CUX1: variants seen among roughly 807,000 people sequenced by gnomAD.
The protein encoded by CUX1 is cut like homeobox 1.
A neutral mutation model predicts 158.8 loss-of-function variants in CUX1; 31 were observed. The observed-to-expected ratio is 0.20, with a 90% CI of 0.15 to 0.26. The LOEUF is 0.26. Among genes scored for constraint, CUX1 ranks in the 10% least tolerant of loss-of-function variants. CUX1 has a pLI of 1.00. For synonymous variants in CUX1, 879 were observed against 862.1 expected, an observed-to-expected ratio of 1.02 and a Z score of -0.34; for missense variants, 1,589 against 2,014.6, an observed-to-expected ratio of 0.79 and a Z score of 4.04.
At chr7:102,060,354 G>A (rs951984622) in intron 3 of CUX1, among the ~76,000 whole-genome samples, 9 of 151,768 alleles carry the variant, frequency 5.9e-5, no homozygotes, top group Non-Finnish European at 1.2e-4. Flanking sequence ...ATTTGATCAC[G>A]ACGGGGAATA....
At chr7:102,217,375 C>G (rs1176247676) in intron 20 of CUX1, among the ~76,000 whole-genome samples, 1 of 152,286 alleles carries the variant, frequency 6.6e-6, no homozygotes, top group East Asian at 1.9e-4. Flanking sequence ...GGCAGGTCCC[C>G]TCCCCGCCCG....
At chr7:102,004,668 G>A (rs76330700) in intron 2 of CUX1, among the ~76,000 whole-genome samples, 6,150 of 152,130 alleles carry the variant, frequency 0.04, 433 homozygotes, top group African/African-American at 0.14. Flanking sequence ...GAGGGATGGG[G>A]CTAAGACTTG....
chr7:102,270,123 G>A (rs569753921), intron 14 of CUX1, among the ~76,000 whole-genome samples: 3 of 152,338 alleles, frequency 2.0e-5, no homozygotes, highest in South Asian at 2.1e-4. Context: ...GCCGAAGATC[G>A]TGAAATTCAT....
chr7:101,978,553 G>A (rs1472926943), intron 2 of CUX1, among the ~76,000 whole-genome samples: 2 of 152,250 alleles, frequency 1.3e-5, no homozygotes, highest in African/African-American at 4.8e-5. Flanking sequence ...TCTTTCCCCA[G>A]CGGCCTCAGT....
intron 10 of CUX1, among the ~76,000 whole-genome samples, 176 bp downstream of exon 10, chr7:102,170,726 G>C (rs139173055): frequency 2.6e-5 from 4 of 152,142 alleles, no homozygotes; most frequent in African/African-American, 9.7e-5. Context: ...TGTTAAAGTC[G>C]AAGGAAGAGC....
rs1458129301 is a variant in CUX1 at position 102,201,743 on chromosome 7, C to T, written c.2446C>T (p.Arg816Cys). ...GAGACAGGTGAAAAATGAGGTGGGC[C>T]GCAGCGGTGCCTGGAAGGACCACTG... ...VLRQVKNEVG[R>C]SGAWKDHWWS... Residue 816 changes from arginine to cysteine, a missense_variant, in exon 18 of 24, where the codon CGC becomes TGC. By Grantham distance (180) the Arg-to-Cys change is radical. Transcript: ENST00000292535. The surrounding 1 kb of genome is among the most constrained non-coding windows in gnomAD (Gnocchi z 5.0). 5.6e-6 allele frequency: 9 copies of T among 1,612,520 alleles called. No homozygotes were observed. Among genetic ancestry groups the T allele is most frequent in the South Asian group, 1.1e-5 (1 of 91,078 alleles).
At chr7:102,087,793 T>G (rs1828103841) in intron 4 of CUX1, among the ~76,000 whole-genome samples, 1 of 152,210 alleles carries the variant, frequency 6.6e-6, no homozygotes, top group Non-Finnish European at 1.5e-5. Context: ...TTTAAAGAAA[T>G]TAAAAATGAA....
intron 8 of CUX1, among the ~76,000 whole-genome samples, chr7:102,130,707 A>T (rs1334933787): frequency 6.6e-6 from 1 of 152,114 alleles, no homozygotes; most frequent in Non-Finnish European, 1.5e-5. Context: ...AGTGTTGAGA[A>T]TCCTTGCTAT....
intron 6 of CUX1, among the ~76,000 whole-genome samples, chr7:102,106,320 C>CAT (rs1279974475): frequency 3.9e-5 from 6 of 151,990 alleles, no homozygotes; most frequent in African/African-American, 1.5e-4. Context: ...GATCTCTTGA[C>CAT]CTTGTGATCT....
intron 20 of CUX1, among the ~76,000 whole-genome samples, chr7:102,207,077 C>A (rs905523808): frequency 2.6e-4 from 39 of 152,306 alleles, no homozygotes; most frequent in African/African-American, 7.9e-4. Context: ...ACAACAGTCA[C>A]ATTTCAAACC....
chr7:101,883,278 CA>C (rs1799899511), intron 1 of CUX1, among the ~76,000 whole-genome samples: 3 of 152,130 alleles, frequency 2.0e-5, no homozygotes, highest in Admixed American at 1.3e-4. Context: ...GGAATGTTGC[CA>C]TCCTTTTCAT....
At chr7:102,275,190 C>A in intron 16 of CUX1, 3 of 1,351,876 alleles carry the variant, frequency 2.2e-6, no homozygotes, top group South Asian at 1.3e-5. Flanking sequence ...CCCCAAAGGG[C>A]CGCCTGCTGG....
intron 3 of CUX1, among the ~76,000 whole-genome samples, chr7:102,039,897 T>A (rs1821874690): frequency 6.6e-6 from 1 of 152,092 alleles, no homozygotes; most frequent in South Asian, 2.1e-4. Flanking sequence ...CCTGCTGACA[T>A]GGCCTGAGGG....
Position 101,856,274 on chromosome 7 carries a change from A to G in CUX1, c.30+38605A>G, listed in dbSNP as rs1335226201. Among the ~76,000 whole-genome samples the G allele has an allele frequency of 3.9e-5, 6 of 152,110 alleles. No individual in the cohort carries two copies. In the East Asian group the frequency reaches 5.8e-4, roughly 15 times the overall value. On this transcript the variant is annotated intron_variant, in intron 1 of 23. Transcript: ENST00000292535. ...TGCAGTAAAGCACAAGTTTTCAGCC[A>G]TCAACGCAGGGAGCCGTTAATCACG... is the stretch of plus-strand genomic sequence containing the variant.
chr7:101,846,937 G>T (rs1172060778), intron 1 of CUX1, among the ~76,000 whole-genome samples: 1 of 152,026 alleles, frequency 6.6e-6, no homozygotes, highest in African/African-American at 2.4e-5. Context: ...TTCAAGAGCA[G>T]CCTGGGCAAC....
At chr7:102,059,123 C>T (rs1404949541) in intron 3 of CUX1, among the ~76,000 whole-genome samples, 1 of 152,208 alleles carries the variant, frequency 6.6e-6, no homozygotes, top group Non-Finnish European at 1.5e-5. Context: ...CTTTCTTCCC[C>T]AAGACAGCCT....
At chr7:101,989,406 C>T (rs1168388140) in intron 2 of CUX1, among the ~76,000 whole-genome samples, 1 of 152,230 alleles carries the variant, frequency 6.6e-6, no homozygotes, top group Non-Finnish European at 1.5e-5. Context: ...CAGCCTCTAG[C>T]ATCCTGCTGG....
At chr7:101,994,893 C>G (rs1307679959) in intron 2 of CUX1, among the ~76,000 whole-genome samples, 5 of 142,272 alleles carry the variant, frequency 3.5e-5, no homozygotes, top group African/African-American at 1.3e-4. Context: ...AGTTCAAGAC[C>G]AGCCTGGGCA....
chr7:102,198,745 C>T (rs1256847322), intron 15 of CUX1, 57 bp from the exon 16 acceptor site: 21 of 1,488,494 alleles, frequency 1.4e-5, no homozygotes, highest in East Asian at 4.5e-5. Flanking sequence ...CAGCCCATAT[C>T]GTCAACACCA....
Sources: gnomAD v4.1 joint callset for allele counts (sites outside exome capture counted in the v4.1 genomes callset) on GRCh38, gnomAD v4.1.1 for gene constraint, Gnocchi (gnomAD v3.1) non-coding constraint, MANE v1.5 for transcripts, NCBI Gene and HGNC (gene_info 2026-07-23, HGNC 2026-07-21) for gene names.